RALYL: variants seen among roughly 807,000 people sequenced by gnomAD.
The protein encoded by RALYL is RALY RNA binding protein like, also known as RNA-binding Raly-like protein.
Under a neutral mutation model 35.1 loss-of-function variants are expected in RALYL, and 29 were observed. The ratio of observed to expected loss-of-function variants is 0.83; its 90% CI spans 0.61 to 1.13. The LOEUF (loss-of-function observed/expected upper bound fraction) is 1.13. RALYL is among the 50% of genes most tolerant of loss of function. The probability of loss-of-function intolerance (pLI) is 0.00; values close to 1 mark genes in which losing one functional copy is unlikely to be tolerated. For synonymous variants in RALYL, 120 were observed against 127.6 expected, an observed-to-expected ratio of 0.94 and a Z score of 0.40; for missense variants, 359 against 360.4, an observed-to-expected ratio of 1.00 and a Z score of 0.03.
chr8:84,750,445 C>T (rs943093815), intron 2 of RALYL, among the ~76,000 whole-genome samples: 3 of 152,068 alleles, frequency 2.0e-5, no homozygotes, highest in Non-Finnish European at 4.4e-5. Flanking sequence ...CCTCTGGCTC[C>T]TGGTTGAAGA....
At chr8:84,381,069 A>G (rs986819900) in intron 1 of RALYL, among the ~76,000 whole-genome samples, 2 of 151,860 alleles carry the variant, frequency 1.3e-5, no homozygotes, top group African/African-American at 4.8e-5. Context: ...AATTTCATCA[A>G]GTACAATCCC....
At chr8:84,897,517 A>T (rs1392854441) in intron 8 of RALYL, among the ~76,000 whole-genome samples, 2 of 152,058 alleles carry the variant, frequency 1.3e-5, no homozygotes, top group Non-Finnish European at 2.9e-5. Context: ...TTCCATTCTT[A>T]TGGCTTTCTT....
intron 3 of RALYL, among the ~76,000 whole-genome samples, chr8:84,787,580 C>A (rs1243456806): frequency 6.6e-6 from 1 of 152,154 alleles, no homozygotes; most frequent in African/African-American, 2.4e-5. Context: ...GGTTCTAGAT[C>A]CTTGAGGAAT....
chr8:84,544,562 A>G lies in RALYL; in HGVS notation c.256+14985A>G, dbSNP rs536978023. On this transcript the variant is annotated intron_variant, in intron 2 of 8. Coordinates refer to ENST00000521268, the MANE Select transcript of RALYL (RefSeq NM_173848.7). ...AACCAGACTACTGAGGTGATGACTG[A>G]CCTTCAAATGTTTCCAGTCTTTTCT... Among the ~76,000 whole-genome samples the G allele has an allele frequency of 5.9e-5, 9 of 152,150 alleles. No individual in the cohort carries two copies. The East Asian group carries it at 1.4e-3, about 23-fold the overall frequency.
intron 1 of RALYL, among the ~76,000 whole-genome samples, chr8:84,425,142 C>A (rs1285909052): frequency 6.6e-6 from 1 of 152,200 alleles, no homozygotes; most frequent in Non-Finnish European, 1.5e-5. Flanking sequence ...GACGCCCCTC[C>A]CCCAGCCTCG....
At chr8:84,300,264 T>G (rs1840519325) in intron 1 of RALYL, among the ~76,000 whole-genome samples, 1 of 152,112 alleles carries the variant, frequency 6.6e-6, no homozygotes, top group Admixed American at 6.6e-5. Context: ...ATCTTCATAG[T>G]ACTGACTTCT....
chr8:84,906,971 C>T (rs1292480519), intron 8 of RALYL: 1 of 985,126 alleles, frequency 1.0e-6, no homozygotes, highest in East Asian at 1.1e-4. Flanking sequence ...GGGTTGCCTG[C>T]TCCAGGATAG....
intron 7 of RALYL, among the ~76,000 whole-genome samples, chr8:84,886,498 A>G (rs763998269): frequency 6.6e-6 from 1 of 152,106 alleles, no homozygotes; most frequent in Non-Finnish European, 1.5e-5. Flanking sequence ...CTATTTAAAA[A>G]CTCAGATCAA....
intron 2 of RALYL, among the ~76,000 whole-genome samples, chr8:84,596,702 T>C (rs1035678939): frequency 2.0e-5 from 3 of 152,126 alleles, no homozygotes; most frequent in South Asian, 2.1e-4. Context: ...TAGACACCTA[T>C]GGAAAATTTT....
intron 2 of RALYL, among the ~76,000 whole-genome samples, chr8:84,712,311 A>G (rs895041812): frequency 6.6e-6 from 1 of 152,186 alleles, no homozygotes; most frequent in Non-Finnish European, 1.5e-5. Flanking sequence ...AGAGACGTAC[A>G]AAGGCTGACT....
In RALYL at chr8:84,268,425, T is replaced by C. The variant is rs541570626; in HGVS notation, c.-24+84001T>C. Among the ~76,000 whole-genome samples the C allele has an allele frequency of 5.9e-5, 9 of 152,322 alleles. No individual in the cohort carries two copies. The South Asian group carries it at 1.9e-3, about 32-fold the overall frequency. The stretch of plus-strand genomic sequence containing the variant: ...AATATGTAATATGTAGGTTCAATTC[T>C]AGTGTTTTCAGGAAATAGAGTAAGC... On this transcript the variant is annotated intron_variant, in intron 1 of 8. Transcript: ENST00000521268.
intron 2 of RALYL, among the ~76,000 whole-genome samples, chr8:84,756,490 T>C (rs554595221): frequency 6.6e-6 from 1 of 152,228 alleles, no homozygotes; most frequent in Admixed American, 6.5e-5. Context: ...TAGCTTTGAA[T>C]TGTCATCTCT....
chr8:84,677,995 G>A (rs1051546685), intron 2 of RALYL, among the ~76,000 whole-genome samples: 1 of 152,042 alleles, frequency 6.6e-6, no homozygotes, highest in African/African-American at 2.4e-5. Context: ...GATTTTTCTG[G>A]ATGTGTGCTT....
intron 2 of RALYL, among the ~76,000 whole-genome samples, chr8:84,706,277 A>C (rs1841197208): frequency 6.6e-6 from 1 of 152,146 alleles, no homozygotes; most frequent in South Asian, 2.1e-4. Context: ...AAACCCTTGG[A>C]AAGGTTTACA....
At chr8:84,687,537 G>C (rs1003845180) in intron 2 of RALYL, among the ~76,000 whole-genome samples, 1 of 152,034 alleles carries the variant, frequency 6.6e-6, no homozygotes, top group Non-Finnish European at 1.5e-5. Flanking sequence ...TGAAATCTAA[G>C]TTTTACAGTG....
intron 1 of RALYL, among the ~76,000 whole-genome samples, chr8:84,481,333 C>CA (rs2054017128): frequency 6.6e-6 from 1 of 151,848 alleles, no homozygotes; most frequent in Non-Finnish European, 1.5e-5. Flanking sequence ...TATTTTGTTG[C>CA]TGTTGTTTGT....
chr8:84,632,665 A>T (rs985005544), intron 2 of RALYL, among the ~76,000 whole-genome samples: 2 of 151,648 alleles, frequency 1.3e-5, no homozygotes, highest in East Asian at 3.9e-4. Flanking sequence ...ATTCCAGTAC[A>T]GTGGTGACCT....
Position 84,654,310 on chromosome 8 carries a change from T to TATATAC in RALYL, c.257-120265_257-120264insACATAT, listed in dbSNP as rs1554766145. On this transcript the variant is annotated intron_variant, in intron 2 of 8. Transcript: ENST00000521268. Reference sequence around the variant, plus strand: ...ATATATATATATATATATATATATATATATCATGTACCACATATAGGTATG... The same window carrying TATATAC: ...ATATATATATATATATATATATATATATATACATATCATGTACCACATATAGGTATG... Among the ~76,000 whole-genome samples, 129 of 134,714 alleles carry TATATAC rather than the reference T, an allele frequency of 9.6e-4. 2 individuals are homozygous for TATATAC. The highest frequency in any genetic ancestry group is 3.2e-3 in the African/African-American group (117 of 36,454). The allele number at this position is 134,714 out of a possible 152,430, so 88.4% of individuals were successfully genotyped here. A position where few individuals can be genotyped will look rare whatever the true frequency, so the allele number is the denominator to read the frequency against.
chr8:84,838,524 G>A (rs1453887417), intron 4 of RALYL, among the ~76,000 whole-genome samples: 1 of 152,166 alleles, frequency 6.6e-6, no homozygotes, highest in Admixed American at 6.5e-5. Context: ...TAAGACAAAA[G>A]CAGTCTTGAC....
Sources: gnomAD v4.1 joint callset for allele counts (sites outside exome capture counted in the v4.1 genomes callset) on GRCh38, gnomAD v4.1.1 for gene constraint, MANE v1.5 for transcripts, NCBI Gene and HGNC (gene_info 2026-07-23, HGNC 2026-07-21) for gene names.